METRNL: variants seen among roughly 807,000 people sequenced by gnomAD.
METRNL encodes the protein meteorin like, glial cell differentiation regulator.
Under a neutral mutation model 17.4 loss-of-function variants are expected in METRNL, and 9 were observed. The ratio of observed to expected loss-of-function variants is 0.52; its 90% CI spans 0.31 to 0.90. The LOEUF is 0.90. Ranked by LOEUF, METRNL falls within the 40% of genes least tolerant of loss-of-function variation. The pLI is 0.05. For synonymous variants in METRNL, 215 were observed against 199.3 expected, an observed-to-expected ratio of 1.08 and a Z score of -0.66; for missense variants, 408 against 430.7, an observed-to-expected ratio of 0.95 and a Z score of 0.47.
At chr17:83,083,904 C>T (rs899173401) in intron 1 of METRNL, among the ~76,000 whole-genome samples, 2 of 152,204 alleles carry the variant, frequency 1.3e-5, no homozygotes, top group African/African-American at 4.8e-5. Context: ...TAGTTGAAGT[C>T]ACCGGGTTAG....
chr17:83,082,827 G>A (rs1015901113), intron 1 of METRNL, among the ~76,000 whole-genome samples: 1 of 152,204 alleles, frequency 6.6e-6, no homozygotes, highest in Non-Finnish European at 1.5e-5. Flanking sequence ...AGGATGCATC[G>A]TTTAACTTTT....
chr17:83,092,785 G>A (rs1034850527), intron 2 of METRNL, among the ~76,000 whole-genome samples: 2 of 152,166 alleles, frequency 1.3e-5, no homozygotes, highest in African/African-American at 4.8e-5. Flanking sequence ...CGGCTCAGCC[G>A]CACTGAGGAG....
At chr17:83,082,138 A>G (rs2143611773) in intron 1 of METRNL, 1 of 985,454 alleles carries the variant, frequency 1.0e-6, no homozygotes, top group East Asian at 1.1e-4. Context: ...CGTCTTTATC[A>G]GCCAGTGCTC....
intron 2 of METRNL, among the ~76,000 whole-genome samples, chr17:83,085,851 A>G (rs2038047177): frequency 6.6e-6 from 1 of 152,190 alleles, no homozygotes; most frequent in Admixed American, 6.5e-5. Context: ...GGTGTCGGCT[A>G]AAGACCCTGA....
chr17:83,094,194 C>T (rs1446601902), intron 3 of METRNL, 62 bp from the exon 4 acceptor site: 25 of 1,378,354 alleles, frequency 1.8e-5, no homozygotes, highest in Middle Eastern at 1.9e-4. Context: ...GGGGGAGGTG[C>T]GGTGGTCTTG....
Position 83,079,737 on chromosome 17 carries a change from C to T in METRNL, c.-79C>T. 1 of 638,996 alleles carries T rather than the reference C, an allele frequency of 1.6e-6. No individual in the cohort carries two copies. Among genetic ancestry groups the T allele is most frequent in the Non-Finnish European group, 1.9e-6 (1 of 517,142 alleles). 39.6% of individuals were successfully genotyped at this position (638,996 alleles called of 1,614,324 possible). A position where few individuals can be genotyped will look rare whatever the true frequency, so the allele number is the denominator to read the frequency against. Reference sequence around the variant, plus strand: ...CACCCGGACTCGAAGCCCGCCCCGCCCCCGCCCGGCTCGCCGGCTCCGGGG... The same window carrying T: ...CACCCGGACTCGAAGCCCGCCCCGCTCCCGCCCGGCTCGCCGGCTCCGGGG... On this transcript the variant is annotated 5_prime_UTR_variant, in exon 1 of 4. Coordinates refer to ENST00000320095, the MANE Select transcript of METRNL (RefSeq NM_001004431.3).
intron 2 of METRNL, among the ~76,000 whole-genome samples, chr17:83,087,972 T>G (rs1036369897): frequency 6.6e-6 from 1 of 151,998 alleles, no homozygotes; most frequent in African/African-American, 2.4e-5. Flanking sequence ...CTCCGGTGGG[T>G]TTCGTTGGTG....
chr17:83,094,702 T>G lies in METRNL; in HGVS notation c.*127T>G, dbSNP rs779556108. On this transcript the variant is annotated 3_prime_UTR_variant, in exon 4 of 4. Transcript: ENST00000320095. ...CATGCCCTGGGCCCAGGCCTGACCC[T>G]GGTACCGAAGCTGTGGACGTTCTCG... The G allele has an allele frequency of 1.7e-5, 12 of 689,402 alleles. No individual in the cohort carries two copies. Among genetic ancestry groups the G allele is most frequent in the Admixed American group, 4.3e-5 (1 of 23,184 alleles). The allele number at this position is 689,402 out of a possible 1,614,324, so 42.7% of individuals were successfully genotyped here. A position where few individuals can be genotyped will look rare whatever the true frequency, so the allele number is the denominator to read the frequency against.
intron 2 of METRNL, among the ~76,000 whole-genome samples, chr17:83,091,324 G>A (rs7216855): frequency 0.025 from 3,824 of 152,268 alleles, 142 homozygotes; most frequent in African/African-American, 0.087. Flanking sequence ...TGGGTGGGCC[G>A]GTGAGTCAGG....
Position 83,094,266 on chromosome 17 carries a change from C to A in METRNL, c.627C>A (p.Gly209=). The A allele has an allele frequency of 6.3e-7, 1 of 1,575,368 alleles. No individual in the cohort carries two copies. Among genetic ancestry groups the A allele is most frequent in the Non-Finnish European group, 8.7e-7 (1 of 1,152,834 alleles). Residue 209 remains glycine (G), a synonymous_variant, in exon 4 of 4, where the codon GGC becomes GGA. Coordinates refer to ENST00000320095, the MANE Select transcript of METRNL (RefSeq NM_001004431.3). ...TCCTTCCCCGCACAGCCGTTCGAGG[C>A]TCCATCCAGCAAGTTACCCACGAGC... The part of the protein sequence containing the change: ...AVCTSDFAVR[G]SIQQVTHEPE...
chr17:83,091,025 G>A (rs879426369), intron 2 of METRNL, among the ~76,000 whole-genome samples: 14 of 152,152 alleles, frequency 9.2e-5, no homozygotes, highest in East Asian at 1.9e-4. Context: ...CGCACCGGGC[G>A]GCTTCCAGCT....
intron 2 of METRNL, among the ~76,000 whole-genome samples, chr17:83,089,854 C>T (rs998618255): frequency 1.3e-5 from 2 of 152,096 alleles, no homozygotes; most frequent in Admixed American, 1.3e-4. Flanking sequence ...ACGAGCTCAG[C>T]TGTCGTTGGG....
At chr17:83,087,335 C>T (rs2038063523) in intron 2 of METRNL, among the ~76,000 whole-genome samples, 1 of 152,052 alleles carries the variant, frequency 6.6e-6, no homozygotes, top group African/African-American at 2.4e-5. Context: ...ATGCAGGGAT[C>T]CTCGGAACTG....
Position 83,085,120 on chromosome 17 carries a change from A to G in METRNL, c.353A>G (p.Asn118Ser), listed in dbSNP as rs954865291. 1 of 1,613,676 alleles carries G rather than the reference A, an allele frequency of 6.2e-7. No individual in the cohort carries two copies. The highest frequency in any genetic ancestry group is 8.5e-7 in the Non-Finnish European group (1 of 1,179,982). The part of the protein sequence containing the change: ...IRSFTDSSGA[N>S]IYLEKTGELR... ...TCCTTCACGGACTCCTCGGGGGCCA[A>G]TATTTATTTGGAAAAAACTGGAGAA... is the stretch of plus-strand genomic sequence containing the variant. Residue 118 changes from asparagine to serine, a missense_variant, in exon 2 of 4, where the codon AAT becomes AGT. Asn to Ser is a conservative substitution (Grantham distance 46, BLOSUM62 1). Transcript: ENST00000320095.
In METRNL at chr17:83,092,875, A is replaced by G. The variant is rs922544021; in HGVS notation, c.557-292A>G. Among the ~76,000 whole-genome samples, 10 of 152,118 alleles carry G rather than the reference A, an allele frequency of 6.6e-5. 1 individual carries two copies. Among genetic ancestry groups the G allele is most frequent in the Admixed American group, 2.6e-4 (4 of 15,280 alleles). ...CGGACTGAGGGTCTTGCTCTCGGAC[A>G]TGTGCCCATCATGGCCGAGGTGCAG... On this transcript the variant is annotated intron_variant, in intron 2 of 3. Coordinates refer to ENST00000320095, the MANE Select transcript of METRNL (RefSeq NM_001004431.3).
chr17:83,094,372 G>A lies in METRNL; in HGVS notation c.733G>A (p.Glu245Lys), dbSNP rs776659125. 6.2e-6 allele frequency: 10 copies of A among 1,610,760 alleles called. No homozygotes were observed. The highest frequency in any genetic ancestry group is 2.2e-5 in the East Asian group (1 of 44,818). ...AAGCAGGGTCTTCGAGCCGGTGCCC[G>A]AGGGTGACGGCCACTGGCAGGGGCG... is the stretch of plus-strand genomic sequence containing the variant. ...QKSRVFEPVP[E>K]GDGHWQGRVR... The change falls in exon 4 of 4, where the codon GAG becomes AAG. Residue 245 changes from glutamate (E) to lysine (K), a missense_variant. Coordinates refer to ENST00000320095, the MANE Select transcript of METRNL (RefSeq NM_001004431.3).
At chr17:83,080,227 C>T (rs1289283025) in intron 1 of METRNL, 2 of 155,008 alleles carry the variant, frequency 1.3e-5, no homozygotes, top group Non-Finnish European at 2.8e-5. Flanking sequence ...GCAGCGCGGC[C>T]GGGTGGGTCC....
At chr17:83,086,060 G>A (rs1421844574) in intron 2 of METRNL, among the ~76,000 whole-genome samples, 7 of 152,186 alleles carry the variant, frequency 4.6e-5, no homozygotes, top group South Asian at 2.1e-4. Context: ...GAGGTCCTTC[G>A]TGGAGGGCTG....
At chr17:83,080,349 C>A (rs2037968504) in intron 1 of METRNL, 1 of 150,636 alleles carries the variant, frequency 6.6e-6, no homozygotes, top group Non-Finnish European at 1.5e-5. Flanking sequence ...AGTTGCGCGC[C>A]CCGAGGCCGC....
Sources: gnomAD v4.1 joint callset for allele counts (sites outside exome capture counted in the v4.1 genomes callset) on GRCh38, gnomAD v4.1.1 for gene constraint, MANE v1.5 for transcripts, NCBI Gene and HGNC (gene_info 2026-07-23, HGNC 2026-07-21) for gene names.